C1orf115: variants seen among roughly 807,000 people sequenced by gnomAD.
C1orf115 encodes the protein chromosome 1 open reading frame 115.
In C1orf115, 14 loss-of-function variants were observed where a neutral mutation model predicts 12.5. The ratio of observed to expected loss-of-function variants is 1.12; its 90% CI spans 0.74 to 1.75. The LOEUF (loss-of-function observed/expected upper bound fraction) is 1.75. Among genes scored for constraint, C1orf115 ranks in the 40% most tolerant of loss-of-function variants. The pLI is 0.00. For synonymous variants in C1orf115, 109 were observed against 104.6 expected, an observed-to-expected ratio of 1.04 and a Z score of -0.26; for missense variants, 237 against 220.8, an observed-to-expected ratio of 1.07 and a Z score of -0.46.
rs144442301 is a variant in C1orf115, at chr1:220,698,196, C to T, written c.*1465C>T. On this transcript the variant is annotated 3_prime_UTR_variant, in exon 2 of 2. Coordinates refer to ENST00000294889, the MANE Select transcript of C1orf115 (RefSeq NM_024709.5). ...GGCTGTTGCTGAACAGTCTGCAGGA[C>T]CAGTGACAGCACCTACCTGTTGTCC... The T allele has an allele frequency of 5.1e-3, 778 of 152,394 alleles. 7 individuals carry two copies. The highest frequency in any genetic ancestry group is 0.018 in the African/African-American group (730 of 41,558). The allele number at this position is 152,394 out of a possible 1,614,324, so 9.4% of individuals were successfully genotyped here.
At chr1:220,692,180 T>C (rs1670122239) in intron 1 of C1orf115, among the ~76,000 whole-genome samples, 1 of 152,230 alleles carries the variant, frequency 6.6e-6, no homozygotes, top group South Asian at 2.1e-4. Flanking sequence ...GGAACCATTG[T>C]ACATTGCTGG....
chr1:220,690,369 G>C lies in C1orf115; in HGVS notation c.-34G>C. 7.3e-7 allele frequency: 1 copy of C among 1,372,602 alleles called. No individual in the cohort carries two copies. The highest frequency in any genetic ancestry group is 1.7e-5 in the South Asian group (1 of 58,984). 85.0% of individuals were successfully genotyped at this position (1,372,602 alleles called of 1,614,324 possible). A position where few individuals can be genotyped will look rare whatever the true frequency, so the allele number is the denominator to read the frequency against. On this transcript the variant is annotated 5_prime_UTR_variant, in exon 1 of 2. Coordinates refer to ENST00000294889, the MANE Select transcript of C1orf115 (RefSeq NM_024709.5). Reference sequence around the variant, plus strand: ...GCGGGGACCAAAGGTTGGTGTCTTTGCGCTCGGACCTTCGCCAGAGGGGCC... The same window carrying C: ...GCGGGGACCAAAGGTTGGTGTCTTTCCGCTCGGACCTTCGCCAGAGGGGCC...
Position 220,690,687 on chromosome 1 carries a change from G to A in C1orf115, c.285G>A (p.Arg95=). 1 of 1,595,420 alleles carries A rather than the reference G, an allele frequency of 6.3e-7. No homozygotes were observed. Among genetic ancestry groups the A allele is most frequent in the Non-Finnish European group, 8.5e-7 (1 of 1,172,240 alleles). ...GCGAGCAGCCCAGGAAGAGGTACCG[G>A]AGGAAGCTGAAGAAGTACGGCAAGG... ...APSEQPRKRY[R]RKLKKYGKNV... is the part of the protein sequence containing the mutation. The change falls in exon 1 of 2, where the codon CGG becomes CGA. Residue 95 remains arginine (R), a synonymous_variant. Coordinates refer to ENST00000294889, the MANE Select transcript of C1orf115 (RefSeq NM_024709.5).
At chr1:220,695,453 G>A (rs1210839465) in intron 1 of C1orf115, among the ~76,000 whole-genome samples, 3 of 150,956 alleles carry the variant, frequency 2.0e-5, no homozygotes, top group Non-Finnish European at 4.4e-5. Context: ...CAGGGCTGTT[G>A]AGAGTGGTGG....
intron 1 of C1orf115, among the ~76,000 whole-genome samples, chr1:220,694,963 TA>T (rs1670168983): frequency 6.6e-6 from 1 of 152,046 alleles, no homozygotes. Context: ...CCTATTTAGG[TA>T]GGGGAGAACT....
chr1:220,692,043 G>C (rs981851753), intron 1 of C1orf115, among the ~76,000 whole-genome samples: 10 of 152,240 alleles, frequency 6.6e-5, no homozygotes, highest in African/African-American at 2.4e-4. Context: ...AGAAGGATGA[G>C]TTAAGATTTC....
rs1250799751 is a variant in C1orf115 at position 220,698,167 on chromosome 1, A to T, written c.*1436A>T. The T allele has an allele frequency of 2.0e-5, 3 of 152,360 alleles. No homozygotes were observed. The highest frequency in any genetic ancestry group is 7.2e-5 in the African/African-American group (3 of 41,436). The allele number at this position is 152,360 out of a possible 1,614,324, so 9.4% of individuals were successfully genotyped here. ...TGTTTCCAGAATATCCAGAAATCCAAAGGGGCTGTTGCTGAACAGTCTGCA... is the reference window on the plus strand; with the variant it reads ...TGTTTCCAGAATATCCAGAAATCCATAGGGGCTGTTGCTGAACAGTCTGCA... On this transcript the variant is annotated 3_prime_UTR_variant, in exon 2 of 2. Transcript: ENST00000294889.
At position 220,698,308 on chromosome 1, in the gene C1orf115, G is replaced by A. The variant is rs1341531078; in HGVS notation, c.*1577G>A. The A allele has an allele frequency of 6.6e-6, 1 of 152,266 alleles. No individual in the cohort carries two copies. The highest frequency in any genetic ancestry group is 1.5e-5 in the Non-Finnish European group (1 of 68,072). The allele number at this position is 152,266 out of a possible 1,614,324, so 9.4% of individuals were successfully genotyped here. ...CAGAAAGACAGACAGAAAAAAGGAAGGGGTAGAGGAGAAGGTTGAAGCTGT... is the reference window on the plus strand; with the variant it reads ...CAGAAAGACAGACAGAAAAAAGGAAAGGGTAGAGGAGAAGGTTGAAGCTGT... On this transcript the variant is annotated 3_prime_UTR_variant, in exon 2 of 2. Transcript: ENST00000294889.
intron 1 of C1orf115, 56 bp downstream of exon 1, chr1:220,690,767 G>A: frequency 5.9e-6 from 9 of 1,527,202 alleles, no homozygotes; most frequent in Non-Finnish European, 7.0e-6. Flanking sequence ...TCCCGCGGGG[G>A]AGCGGGAGCC....
At position 220,690,635 on chromosome 1, in the gene C1orf115, A is replaced by G; in HGVS notation, c.233A>G (p.Tyr78Cys). 6.4e-7 allele frequency: 1 copy of G among 1,570,004 alleles called. No individual in the cohort carries two copies. Among genetic ancestry groups the G allele is most frequent in the Non-Finnish European group, 8.6e-7 (1 of 1,160,834 alleles). ...CACTTCGCCCTCCTGCCCGAGCGCT[A>G]CGAGCCACTGGAGGAGCCGGCGCCG... ...RVHFALLPERYEPLEEPAPSE... is the reference protein window; with the variant it reads ...RVHFALLPERCEPLEEPAPSE... Residue 78 changes from tyrosine to cysteine, a missense_variant, in exon 1 of 2, where the codon TAC becomes TGC. Tyr to Cys is a radical substitution (Grantham distance 194). Transcript: ENST00000294889.
intron 1 of C1orf115, among the ~76,000 whole-genome samples, chr1:220,692,320 C>T (rs1670123955): frequency 6.6e-6 from 1 of 152,074 alleles, no homozygotes; most frequent in Admixed American, 6.5e-5. Flanking sequence ...AAAACAGGTA[C>T]TCAAATCAAT....
rs1426682358 is a variant in C1orf115, at chr1:220,698,553, G to A, written c.*1822G>A. On this transcript the variant is annotated 3_prime_UTR_variant, in exon 2 of 2. Transcript: ENST00000294889. Reference sequence around the variant, plus strand: ...TGGAGAAAGGGAGAGATAGTCATAAGTGGAAGAAAAAGCCAAGCATAGTGA... The same window carrying A: ...TGGAGAAAGGGAGAGATAGTCATAAATGGAAGAAAAAGCCAAGCATAGTGA... 5.3e-5 allele frequency: 8 copies of A among 152,220 alleles called. No homozygotes were observed. Among genetic ancestry groups the A allele is most frequent in the African/African-American group, 1.9e-4 (8 of 41,436 alleles). The allele number at this position is 152,220 out of a possible 1,614,324, so 9.4% of individuals were successfully genotyped here.
At chr1:220,690,739 G>A (rs1670089579) in intron 1 of C1orf115, 28 bp downstream of exon 1, 3 of 1,556,600 alleles carry the variant, frequency 1.9e-6, no homozygotes, top group East Asian at 2.5e-5. Context: ...CCACTGCCCG[G>A]GGGGCGCGGG....
chr1:220,693,026 A>G (rs1164343773), intron 1 of C1orf115, among the ~76,000 whole-genome samples: 3 of 152,104 alleles, frequency 2.0e-5, no homozygotes, highest in Non-Finnish European at 2.9e-5. Context: ...TTCAGCTTCT[A>G]CTTTCTTGGA....
rs1670088753 is a variant in C1orf115 at position 220,690,717 on chromosome 1, G to A, written c.309+6G>A. On this transcript the variant is annotated splice_donor_region_variant and intron_variant, in intron 1 of 1. Transcript: ENST00000294889. ...AGCTGAAGAAGTACGGCAAGGTAGG[G>A]GCCCTGCGCCACCACTGCCCGGGGG... is the stretch of plus-strand genomic sequence containing the variant. The A allele has an allele frequency of 2.5e-6, 4 of 1,579,930 alleles. No homozygotes were observed. Among genetic ancestry groups the A allele is most frequent in the Non-Finnish European group, 3.4e-6 (4 of 1,164,618 alleles).
rs146668017 is a variant in C1orf115 at position 220,692,604 on chromosome 1, T to C, written c.309+1893T>C. 3.6e-3 allele frequency among the ~76,000 whole-genome samples: 555 copies of C among 152,240 alleles called. 2 individuals carry two copies. The highest frequency in any genetic ancestry group is 0.013 in the African/African-American group (545 of 41,550). ...GGAATGCTTAGGATAGGTCAACCCA[T>C]GGAGATGGAACACAGATTGGTGGTT... On this transcript the variant is annotated intron_variant, in intron 1 of 1. Coordinates refer to ENST00000294889, the MANE Select transcript of C1orf115 (RefSeq NM_024709.5).
At chr1:220,694,896 A>G (rs1462730889) in intron 1 of C1orf115, among the ~76,000 whole-genome samples, 1 of 152,232 alleles carries the variant, frequency 6.6e-6, no homozygotes, top group East Asian at 1.9e-4. Context: ...GAACAACACC[A>G]ACATTTTAAA....
At position 220,695,237 on chromosome 1, in the gene C1orf115, A is replaced by G. The variant is rs554748902; in HGVS notation, c.310-1375A>G. Among the ~76,000 whole-genome samples the G allele has an allele frequency of 1.9e-4, 29 of 152,140 alleles. 1 individual carries two copies. Among genetic ancestry groups the G allele is most frequent in the Non-Finnish European group, 4.3e-4 (29 of 68,014 alleles). On this transcript the variant is annotated intron_variant, in intron 1 of 1. Transcript: ENST00000294889. ...TGGAGGGCAGAGACTGGGGCAGGATATGGAGTCACGGTGATACCCGAGCAT... is the reference window on the plus strand; with the variant it reads ...TGGAGGGCAGAGACTGGGGCAGGATGTGGAGTCACGGTGATACCCGAGCAT...
chr1:220,695,878 G>A lies in C1orf115; in HGVS notation c.310-734G>A, dbSNP rs141414747. ...ACGGAGGGGAAGACCATGGGCAGCCGTGCAATAAATGTTTGGTGGTGGTGG... is the reference window on the plus strand; with the variant it reads ...ACGGAGGGGAAGACCATGGGCAGCCATGCAATAAATGTTTGGTGGTGGTGG... On this transcript the variant is annotated intron_variant, in intron 1 of 1. Transcript: ENST00000294889. 3.3e-3 allele frequency among the ~76,000 whole-genome samples: 497 copies of A among 152,254 alleles called. 5 individuals carry two copies. The highest frequency in any genetic ancestry group is 0.011 in the African/African-American group (473 of 41,542).
Sources: gnomAD v4.1 joint callset for allele counts (sites outside exome capture counted in the v4.1 genomes callset) on GRCh38, gnomAD v4.1.1 for gene constraint, MANE v1.5 for transcripts, NCBI Gene and HGNC (gene_info 2026-07-23, HGNC 2026-07-21) for gene names.